Variants in SMC1B observed in about 807,000 individuals in gnomAD.
SMC1B encodes the protein structural maintenance of chromosomes protein 1B.
A neutral mutation model predicts 157.9 loss-of-function variants in SMC1B; 60 were observed. The observed-to-expected ratio is 0.38, with a 90% CI of 0.31 to 0.47. SMC1B has a LOEUF of 0.47. Ranked by LOEUF, SMC1B falls within the 20% of genes least tolerant of loss-of-function variation. SMC1B has a pLI of 0.99. For missense variants in SMC1B, 1,165 were observed against 1,426.2 expected (o/e 0.82, Z 2.95); for synonymous variants, 445 against 483.0 (o/e 0.92, Z 1.03).
chr22:45,402,258 A>G (rs749842978), intron 5 of SMC1B, 75 bp downstream of exon 5: 14 of 993,220 alleles, frequency 1.4e-5, no homozygotes, highest in Non-Finnish European at 2.0e-5. Flanking sequence ...ATCAATTTTC[A>G]AAGTGTCACT....
At chr22:45,388,844 C>T (rs1042359147) in intron 10 of SMC1B, among the ~76,000 whole-genome samples, 30 of 151,296 alleles carry the variant, frequency 2.0e-4, no homozygotes, top group Admixed American at 4.0e-4. Flanking sequence ...AAAAATCAGC[C>T]GGGCGTGCTG....
At chr22:45,393,965 T>TA (rs136605) in intron 8 of SMC1B, 124 bp from the exon 9 acceptor site, 79,475 of 645,330 alleles carry the variant, frequency 0.12, 5,780 homozygotes, top group South Asian at 0.21. Flanking sequence ...TTTTAAAGGG[T>TA]AAAAAATGCA....
chr22:45,381,682 G>C (rs754472040), intron 12 of SMC1B, among the ~76,000 whole-genome samples: 2 of 152,130 alleles, frequency 1.3e-5, no homozygotes, highest in Non-Finnish European at 2.9e-5. Context: ...CACACAGATG[G>C]AACCTTAGCA....
chr22:45,381,643 T>G (rs2086937965), intron 12 of SMC1B, among the ~76,000 whole-genome samples: 1 of 152,174 alleles, frequency 6.6e-6, no homozygotes, highest in African/African-American at 2.4e-5. Flanking sequence ...CATCATTCCC[T>G]CCTAGCTGCC....
At chr22:45,411,566 TTTTATTTA>T (rs1052177335) in intron 1 of SMC1B, among the ~76,000 whole-genome samples, 2 of 152,252 alleles carry the variant, frequency 1.3e-5, no homozygotes, top group East Asian at 1.9e-4. Context: ...GAACGGTGCA[TTTTATTTA>T]TTTATTTATT....
intron 24 of SMC1B, 76 bp downstream of exon 24, chr22:45,345,383 G>A: frequency 2.5e-6 from 2 of 794,364 alleles, no homozygotes; most frequent in South Asian, 1.8e-5. Context: ...TTTTAATTAG[G>A]AAAGCCCAGT....
rs1405237436 is a variant in SMC1B, at chr22:45,396,342, A to T, written c.1254+4T>A. The T allele has an allele frequency of 6.2e-7, 1 of 1,608,460 alleles. No homozygotes were observed. Among genetic ancestry groups the T allele is most frequent in the Non-Finnish European group, 8.5e-7 (1 of 1,177,708 alleles). ...CTAAATCATTACTGTACAACCCAAG[A>T]CACCTGAACTTCTCCATGCCTCCTC... On this transcript the variant is annotated splice_donor_region_variant and intron_variant, in intron 7 of 24. Transcript: ENST00000357450.
intron 1 of SMC1B, among the ~76,000 whole-genome samples, chr22:45,409,514 G>A (rs541938221): frequency 1.3e-5 from 2 of 151,758 alleles, no homozygotes; most frequent in South Asian, 2.1e-4. Context: ...GCAGTGAGCC[G>A]AGATTGCACC....
At chr22:45,372,798 C>T (rs200888097) in intron 12 of SMC1B, among the ~76,000 whole-genome samples, 14 of 148,104 alleles carry the variant, frequency 9.5e-5, no homozygotes, top group East Asian at 8.1e-4. Flanking sequence ...CTGCAAGCTC[C>T]GCCTCCCAGG....
At chr22:45,363,091 TG>T (rs1409056687) in intron 15 of SMC1B, 65 bp from the exon 16 acceptor site, 3 of 1,189,848 alleles carry the variant, frequency 2.5e-6, no homozygotes, top group African/African-American at 3.2e-5. Context: ...TTTTTTCTTA[TG>T]GGAAATTTCA....
At chr22:45,399,785 G>C (rs114541938) in intron 5 of SMC1B, among the ~76,000 whole-genome samples, 1 of 152,300 alleles carries the variant, frequency 6.6e-6, no homozygotes, top group African/African-American at 2.4e-5. Flanking sequence ...GAAATGAGTG[G>C]AGTCTGTAAG....
chr22:45,352,801 A>G (rs1307774041), intron 21 of SMC1B, among the ~76,000 whole-genome samples, 199 bp from the exon 22 acceptor site: 1 of 151,908 alleles, frequency 6.6e-6, no homozygotes, highest in East Asian at 1.9e-4. Flanking sequence ...GAGGGAAAAC[A>G]CTCTCCTAAC....
intron 13 of SMC1B, among the ~76,000 whole-genome samples, 154 bp from the exon 14 acceptor site, chr22:45,371,741 A>C (rs761925127): frequency 5.3e-5 from 8 of 152,210 alleles, no homozygotes; most frequent in Non-Finnish European, 1.2e-4. Flanking sequence ...ATAAATAATT[A>C]AGGGACTATA....
At chr22:45,362,289 A>G (rs931443767) in intron 16 of SMC1B, among the ~76,000 whole-genome samples, 3 of 152,112 alleles carry the variant, frequency 2.0e-5, no homozygotes, top group African/African-American at 4.8e-5. Context: ...ATCTCTGTCA[A>G]TTAAACATTT....
In SMC1B at chr22:45,372,172, G is replaced by A. The variant is rs762578668; in HGVS notation, c.2179C>T (p.Leu727Phe). 2 of 1,606,430 alleles carry A rather than the reference G, an allele frequency of 1.2e-6. No homozygotes were observed. The highest frequency in any genetic ancestry group is 1.7e-5 in the Admixed American group (1 of 58,606). Residue 727 changes from leucine (L) to phenylalanine (F), a missense_variant, in exon 13 of 25, where the codon CTT (leucine) becomes TTT (phenylalanine). Leu to Phe is a conservative substitution (Grantham distance 22, BLOSUM62 0). Coordinates refer to ENST00000357450, the MANE Select transcript of SMC1B (RefSeq NM_148674.5). The part of the protein sequence containing the change: ...NELEMIKKKH[L>F]VAFYQEQSQL... ...TATATTACCTGGTAAAAAGCAACAA[G>A]GTGCTTCTTCTTAATCATCTCTAGT...
chr22:45,363,001 G>T lies in SMC1B; in HGVS notation c.2446C>A (p.Arg816=). The change falls in exon 16 of 25, where the codon CGG becomes AGG. Residue 816 remains arginine (R), a synonymous_variant. Transcript: ENST00000357450. The part of the protein sequence containing the change: ...KRLEFEKQKT[R]LNVQLEYSRS... ...CTATACTCAAGTTGAACATTAAGCC[G>T]AGTTTTTTGTTTTTCAAATTCTAAT... 1 of 1,586,360 alleles carries T rather than the reference G, an allele frequency of 6.3e-7. No homozygotes were observed. The highest frequency in any genetic ancestry group is 1.9e-5 in the Admixed American group (1 of 52,468).
At chr22:45,406,020 G>A (rs577999547) in intron 4 of SMC1B, among the ~76,000 whole-genome samples, 17 of 152,248 alleles carry the variant, frequency 1.1e-4, no homozygotes, top group African/African-American at 3.9e-4. Flanking sequence ...ATATTAACAT[G>A]TAATGAGTTT....
intron 9 of SMC1B, 56 bp from the exon 10 acceptor site, chr22:45,389,953 A>T: frequency 1.4e-6 from 2 of 1,405,148 alleles, no homozygotes; most frequent in Non-Finnish European, 2.0e-6. Flanking sequence ...GAAATATATA[A>T]TTCATTATTT....
rs754914778 is a variant in SMC1B, at chr22:45,363,000, C to T, written c.2447G>A (p.Arg816Gln). The T allele has an allele frequency of 6.9e-6, 11 of 1,585,128 alleles. No individual in the cohort carries two copies. Among genetic ancestry groups the T allele is most frequent in the Non-Finnish European group, 8.5e-6 (10 of 1,170,782 alleles). ...ACTATACTCAAGTTGAACATTAAGCCGAGTTTTTTGTTTTTCAAATTCTAA... is the reference window on the plus strand; with the variant it reads ...ACTATACTCAAGTTGAACATTAAGCTGAGTTTTTTGTTTTTCAAATTCTAA... ...KRLEFEKQKT[R>Q]LNVQLEYSRS... The change falls in exon 16 of 25, where the codon CGG becomes CAG. Residue 816 changes from arginine (R) to glutamine (Q), a missense_variant. Physicochemically the swap from Arg to Gln is conservative, Grantham distance 43. Coordinates refer to ENST00000357450, the MANE Select transcript of SMC1B (RefSeq NM_148674.5).
Sources: gnomAD v4.1 joint callset for allele counts (sites outside exome capture counted in the v4.1 genomes callset) on GRCh38, gnomAD v4.1.1 for gene constraint, MANE v1.5 for transcripts, NCBI Gene and HGNC (gene_info 2026-07-23, HGNC 2026-07-21) for gene names.